EIF4ENIF1: variants seen among roughly 807,000 people sequenced by gnomAD.
EIF4ENIF1 encodes the protein eukaryotic translation initiation factor 4E transporter.
EIF4ENIF1 carries 23 observed loss-of-function variants against 110.5 expected under a neutral mutation model. The ratio of observed to expected loss-of-function variants is 0.21; its 90% CI spans 0.15 to 0.29. EIF4ENIF1 has a LOEUF of 0.29. EIF4ENIF1 is among the 10% of genes least tolerant of loss of function. The pLI is 1.00. For synonymous variants in EIF4ENIF1, 440 were observed against 437.0 expected (o/e 1.01, Z -0.09); for missense variants, 1,031 against 1,221.1 (o/e 0.84, Z 2.32).
At position 31,458,468 on chromosome 22, in the gene EIF4ENIF1, C is replaced by T. The variant is rs761552098; in HGVS notation, c.963+7G>A. 2.5e-6 allele frequency: 4 copies of T among 1,580,860 alleles called. No individual in the cohort carries two copies. Among genetic ancestry groups the T allele is most frequent in the Non-Finnish European group, 3.5e-6 (4 of 1,157,454 alleles). On this transcript the variant is annotated splice_region_variant and intron_variant, in intron 7 of 18. Transcript: ENST00000330125. The stretch of plus-strand genomic sequence containing the variant: ...CACACATTTTTTAAGTGTGCTGCTA[C>T]ACTCACCGAAGCCAAGCATGGCACC...
At chr22:31,492,973 G>A (rs995819884), upstream of EIF4ENIF1, among the ~76,000 whole-genome samples, 6 of 150,956 alleles carry the variant, frequency 4.0e-5, no homozygotes, top group Admixed American at 1.3e-4. Context: ...CTCATGATCC[G>A]CCCACCTCGG....
chr22:31,440,472 A>G (rs1301760593), intron 18 of EIF4ENIF1, among the ~76,000 whole-genome samples: 1 of 152,202 alleles, frequency 6.6e-6, no homozygotes, highest in East Asian at 1.9e-4. Flanking sequence ...CCTAACAGGC[A>G]AAGGAAAAAG....
intron 4 of EIF4ENIF1, among the ~76,000 whole-genome samples, chr22:31,466,408 G>T (rs1043807782): frequency 1.8e-5 from 1 of 54,506 alleles, no homozygotes; most frequent in African/African-American, 7.5e-5. Flanking sequence ...GCAAGACTCT[G>T]TCTCGGTGGG....
At position 31,439,823 on chromosome 22, in the gene EIF4ENIF1, GGGTCCT is replaced by G. The variant is rs2050235488; in HGVS notation, c.*51_*56del. 6.3e-7 allele frequency: 1 copy of G among 1,588,362 alleles called. No homozygotes were observed. The highest frequency in any genetic ancestry group is 8.5e-7 in the Non-Finnish European group (1 of 1,173,958). On this transcript the variant is annotated 3_prime_UTR_variant, in exon 19 of 19. Coordinates refer to ENST00000330125, the MANE Select transcript of EIF4ENIF1 (RefSeq NM_019843.4). ...CCATAAACCAACCCGAGATGAAGCA[GGGTCCT>G]GCCCAGTGTGCCACCACAGGTCCGG...
chr22:31,458,593 G>C lies in EIF4ENIF1; in HGVS notation c.845C>G (p.Ala282Gly). Residue 282 changes from alanine to glycine, a missense_variant, in exon 7 of 19, where the codon GCA (alanine) becomes GGA (glycine). By Grantham distance (60) the Ala-to-Gly change is moderately conservative (BLOSUM62 0). Transcript: ENST00000330125. ...AEEDEVEVIL[A>G]QEPAADQEVP... ...TTCCTGATCAGCCGCAGGCTCCTGT[G>C]CAAGGATGACCTCCACTTCATCCTC... 6.2e-7 allele frequency: 1 copy of C among 1,613,330 alleles called. No homozygotes were observed. Among genetic ancestry groups the C allele is most frequent in the East Asian group, 2.2e-5 (1 of 44,854 alleles).
At chr22:31,477,604 T>G (rs1021709853) in intron 2 of EIF4ENIF1, among the ~76,000 whole-genome samples, 1 of 152,170 alleles carries the variant, frequency 6.6e-6, no homozygotes, top group African/African-American at 2.4e-5. Flanking sequence ...AGTGAACAGA[T>G]GTACAAACTT....
chr22:31,469,813 C>T (rs1355006853), intron 3 of EIF4ENIF1, among the ~76,000 whole-genome samples: 2 of 152,172 alleles, frequency 1.3e-5, no homozygotes, highest in Non-Finnish European at 2.9e-5. Context: ...CCATCTCAGC[C>T]TCCTGAGTAG....
At chr22:31,470,879 G>T (rs9609290) in intron 3 of EIF4ENIF1, among the ~76,000 whole-genome samples, 2 of 151,548 alleles carry the variant, frequency 1.3e-5, no homozygotes, top group African/African-American at 4.8e-5. Flanking sequence ...GTGCGTGGTA[G>T]TGGGTGCCTG....
Position 31,482,992 on chromosome 22 carries a change from C to T in EIF4ENIF1, c.96+5631G>A, listed in dbSNP as rs1187470395. On this transcript the variant is annotated intron_variant, in intron 2 of 18. Coordinates refer to ENST00000330125, the MANE Select transcript of EIF4ENIF1 (RefSeq NM_019843.4). Reference sequence around the variant, plus strand: ...TGAGCCGACATAGGGCCACTGCACTCCAGCCTGGCGACAGACAGAGACTCT... The same window carrying T: ...TGAGCCGACATAGGGCCACTGCACTTCAGCCTGGCGACAGACAGAGACTCT... 3.3e-5 allele frequency among the ~76,000 whole-genome samples: 5 copies of T among 151,774 alleles called. No homozygotes were observed. In the South Asian group the frequency reaches 1.0e-3, roughly 32 times the overall value.
In EIF4ENIF1 at chr22:31,467,449, A is replaced by C. The variant is rs895951657; in HGVS notation, c.298+726T>G. Among the ~76,000 whole-genome samples, 7 of 152,210 alleles carry C rather than the reference A, an allele frequency of 4.6e-5. No individual in the cohort carries two copies. In the South Asian group the frequency reaches 1.0e-3, roughly 23 times the overall value. ...CTAAAGGGGTAAACTTTAAACTAGG[A>C]AAGTTGGAAGATCAGACTTAACTTC... On this transcript the variant is annotated intron_variant, in intron 4 of 18. Coordinates refer to ENST00000330125, the MANE Select transcript of EIF4ENIF1 (RefSeq NM_019843.4).
At chr22:31,468,966 G>GA (rs1041977366) in intron 3 of EIF4ENIF1, among the ~76,000 whole-genome samples, 6 of 152,116 alleles carry the variant, frequency 3.9e-5, no homozygotes, top group Non-Finnish European at 5.9e-5. Context: ...ATACAAAGGA[G>GA]AAAAAAGAGT....
intron 18 of EIF4ENIF1, 120 bp from the exon 19 acceptor site, chr22:31,440,241 TAGAAAC>T: frequency 4.2e-6 from 6 of 1,413,088 alleles, no homozygotes; most frequent in Non-Finnish European, 5.8e-6. Flanking sequence ...AGGGCTTCTT[TAGAAAC>T]TCCTTTGCAA....
intron 10 of EIF4ENIF1, chr22:31,453,290 C>A (rs538276006): frequency 1.5e-5 from 5 of 337,578 alleles, no homozygotes; most frequent in Admixed American, 7.2e-5. Flanking sequence ...TAACTTCATG[C>A]CTACAAGTTT....
chr22:31,464,153 G>A, intron 4 of EIF4ENIF1, 186 bp from the exon 5 acceptor site: 2 of 643,322 alleles, frequency 3.1e-6, no homozygotes, highest in Non-Finnish European at 5.0e-6. Context: ...TGAGACATTG[G>A]CCTTCCTCTT....
intron 2 of EIF4ENIF1, among the ~76,000 whole-genome samples, chr22:31,487,113 G>C (rs1241898127): frequency 6.6e-6 from 1 of 151,704 alleles, no homozygotes; most frequent in South Asian, 2.1e-4. Flanking sequence ...CCCTTCATTT[G>C]ATGGCTTTTC....
In EIF4ENIF1 at chr22:31,471,860, A is replaced by C; in HGVS notation, c.154T>G (p.Ser52Ala). 6.2e-7 allele frequency: 1 copy of C among 1,604,408 alleles called. No individual in the cohort carries two copies. The change falls in exon 3 of 19, where the codon TCT (serine) becomes GCT (alanine). Residue 52 changes from serine to alanine, a missense_variant. Transcript: ENST00000330125. ...CACACATACCTGTCATATTTTTCAG[A>C]AAGGCATGAAGGCCTCTGTTTGGAA... ...PHSKQRPSCL[S>A]EKYDSDGVWD...
At chr22:31,459,904 A>T (rs944384920) in intron 6 of EIF4ENIF1, among the ~76,000 whole-genome samples, 4 of 152,182 alleles carry the variant, frequency 2.6e-5, no homozygotes, top group African/African-American at 9.6e-5. Context: ...CTGCATCTGT[A>T]AAATAAGGAG....
chr22:31,472,402 G>A (rs931958828), intron 2 of EIF4ENIF1, among the ~76,000 whole-genome samples: 3 of 151,964 alleles, frequency 2.0e-5, no homozygotes, highest in African/African-American at 7.2e-5. Context: ...CCAAGTGGCT[G>A]GAATTACAGG....
chr22:31,474,276 C>A (rs1601630951), intron 2 of EIF4ENIF1, among the ~76,000 whole-genome samples: 1 of 151,970 alleles, frequency 6.6e-6, no homozygotes, highest in South Asian at 2.1e-4. Flanking sequence ...GACCAGACTG[C>A]TCTGCAACTC....
Sources: gnomAD v4.1 joint callset for allele counts (sites outside exome capture counted in the v4.1 genomes callset) on GRCh38, gnomAD v4.1.1 for gene constraint, MANE v1.5 for transcripts, NCBI Gene and HGNC (gene_info 2026-07-23, HGNC 2026-07-21) for gene names.